NLGN4X: variants seen among roughly 807,000 people sequenced by gnomAD.
NLGN4X encodes neuroligin-4, X-linked.
A neutral mutation model predicts 40.3 loss-of-function variants in NLGN4X; 3 were observed. The ratio of observed to expected loss-of-function variants is 0.07; its 90% CI spans 0.03 to 0.19. The LOEUF (loss-of-function observed/expected upper bound fraction) is 0.19, where lower values mean the gene tolerates loss of function less well. Ranked by LOEUF, NLGN4X falls within the 10% of genes least tolerant of loss-of-function variation. The pLI, the probability that NLGN4X is intolerant of heterozygous loss-of-function variation, is 1.00. For synonymous variants in NLGN4X, 270 were observed against 306.8 expected, an observed-to-expected ratio of 0.88 and a Z score of 1.25; for missense variants, 382 against 708.3, an observed-to-expected ratio of 0.54 and a Z score of 5.23.
At chrX:6,050,068 T>C (rs1304486009) in intron 2 of NLGN4X, among the ~76,000 whole-genome samples, 10 of 111,923 alleles carry the variant, frequency 8.9e-5, no homozygotes, top group African/African-American at 3.2e-4. Flanking sequence ...TTTCTCCCAC[T>C]TCAGAGCCAC....
chrX:6,133,734 G>A (rs2039740238), intron 2 of NLGN4X, among the ~76,000 whole-genome samples: 1 of 111,686 alleles, frequency 9.0e-6, no homozygotes, highest in Non-Finnish European at 1.9e-5. Flanking sequence ...TAGCAAGTTT[G>A]AAAACAATTG....
At chrX:6,021,077 CCTCT>C (rs1423877036) in intron 3 of NLGN4X, among the ~76,000 whole-genome samples, 9 of 22,170 alleles carry the variant, frequency 4.1e-4, no homozygotes, top group African/African-American at 1.4e-3. Flanking sequence ...TCCCTCCCTC[CCTCT>C]CTCTCTCTCT....
intron 1 of NLGN4X, among the ~76,000 whole-genome samples, chrX:6,208,838 T>C (rs755114953): frequency 9.0e-6 from 1 of 111,659 alleles, no homozygotes; most frequent in Admixed American, 9.6e-5. Context: ...CTCAAAGAAC[T>C]AAAAATAGAA....
intron 1 of NLGN4X, among the ~76,000 whole-genome samples, chrX:6,170,522 C>T (rs781324203): frequency 1.8e-5 from 2 of 111,657 alleles, no homozygotes; most frequent in African/African-American, 6.5e-5. Flanking sequence ...CAATCTTGGC[C>T]TTATCATTTT....
At position 6,006,567 on chromosome X, in the gene NLGN4X, G is replaced by A. The variant is rs145121474; in HGVS notation, c.625+22713C>T. Reference sequence around the variant, plus strand: ...AGACCAAAGTTAGACATCAAACATCGTTATCATCCTAAAAACAATTTTATC... The same window carrying A: ...AGACCAAAGTTAGACATCAAACATCATTATCATCCTAAAAACAATTTTATC... On this transcript the variant is annotated intron_variant, in intron 3 of 5. Transcript: ENST00000381095. Among the ~76,000 whole-genome samples the A allele has an allele frequency of 6.8e-3, 754 of 110,893 alleles. 3 individuals are homozygous for A. Among genetic ancestry groups the A allele is most frequent in the African/African-American group, 0.023 (711 of 30,532 alleles).
At chrX:6,087,059 C>T (rs2038515230) in intron 2 of NLGN4X, among the ~76,000 whole-genome samples, 1 of 111,817 alleles carries the variant, frequency 8.9e-6, no homozygotes, top group South Asian at 3.8e-4. Context: ...TTTTTATACA[C>T]ACCTAGAAGA....
intron 2 of NLGN4X, among the ~76,000 whole-genome samples, chrX:6,033,283 A>G (rs773316352): frequency 1.8e-5 from 2 of 111,952 alleles, no homozygotes; most frequent in Admixed American, 1.9e-4. Flanking sequence ...TATAATTGAC[A>G]TTAATTTCAT....
chrX:6,098,014 G>A (rs1256365931), intron 2 of NLGN4X, among the ~76,000 whole-genome samples: 2 of 112,930 alleles, frequency 1.8e-5, no homozygotes, highest in Non-Finnish European at 3.7e-5. Context: ...AGAGGGTGGG[G>A]CGCGATGGCT....
At chrX:6,128,037 A>C (rs1414429465) in intron 2 of NLGN4X, among the ~76,000 whole-genome samples, 1 of 111,038 alleles carries the variant, frequency 9.0e-6, no homozygotes, top group Non-Finnish European at 1.9e-5. Flanking sequence ...TCCTGACCTC[A>C]AGAGATCCTC....
chrX:6,017,315 A>C (rs1417987339), intron 3 of NLGN4X, among the ~76,000 whole-genome samples: 1 of 112,216 alleles, frequency 8.9e-6, no homozygotes, highest in Non-Finnish European at 1.9e-5. Context: ...TGAAAAGAAG[A>C]AAGCTACTCA....
At chrX:6,103,197 A>T (rs901346176) in intron 2 of NLGN4X, among the ~76,000 whole-genome samples, 15 of 111,963 alleles carry the variant, frequency 1.3e-4, no homozygotes, top group African/African-American at 4.9e-4. Flanking sequence ...TGGCACTCAT[A>T]AAGTGCTTAT....
At chrX:5,966,786 A>C (rs2034847758) in intron 3 of NLGN4X, among the ~76,000 whole-genome samples, 1 of 111,908 alleles carries the variant, frequency 8.9e-6, no homozygotes, top group Non-Finnish European at 1.9e-5. Flanking sequence ...TCAAGGCTTC[A>C]CTGCATTTCC....
chrX:6,226,120 G>T (rs1418733217), intron 1 of NLGN4X, among the ~76,000 whole-genome samples: 1 of 102,753 alleles, frequency 9.7e-6, no homozygotes, highest in Non-Finnish European at 2.0e-5. Context: ...CGTGACGCGC[G>T]CGCCCAGCAC....
At chrX:5,978,681 T>A (rs181921341) in intron 3 of NLGN4X, among the ~76,000 whole-genome samples, 3 of 112,313 alleles carry the variant, frequency 2.7e-5, no homozygotes, top group Non-Finnish European at 3.8e-5. Context: ...TTAACTTTTT[T>A]AAAATAGGGT....
At chrX:6,098,016 G>A (rs975284501) in intron 2 of NLGN4X, among the ~76,000 whole-genome samples, 12 of 112,865 alleles carry the variant, frequency 1.1e-4, no homozygotes, top group Non-Finnish European at 1.7e-4. Flanking sequence ...AGGGTGGGGC[G>A]CGATGGCTCG....
intron 3 of NLGN4X, among the ~76,000 whole-genome samples, chrX:5,910,962 A>G (rs758620876): frequency 5.7e-4 from 64 of 111,484 alleles, no homozygotes; most frequent in African/African-American, 1.9e-3. Context: ...CCCCCATTTA[A>G]TTAGCAATTA....
At chrX:6,054,534 C>A (rs2037570622) in intron 2 of NLGN4X, among the ~76,000 whole-genome samples, 4 of 110,856 alleles carry the variant, frequency 3.6e-5, no homozygotes, top group Admixed American at 9.7e-5. Flanking sequence ...GTGGGAGGAT[C>A]ACTTGACCTC....
intron 3 of NLGN4X, among the ~76,000 whole-genome samples, chrX:5,982,953 C>G (rs940622948): frequency 1.8e-5 from 2 of 112,525 alleles, no homozygotes; most frequent in Non-Finnish European, 3.8e-5. Flanking sequence ...CACAAAGCAG[C>G]CTTTGCCCTA....
At chrX:6,133,079 ATTG>A (rs2039716771) in intron 2 of NLGN4X, among the ~76,000 whole-genome samples, 1 of 111,245 alleles carries the variant, frequency 9.0e-6, no homozygotes, top group Non-Finnish European at 1.9e-5. Context: ...CATCACAATA[ATTG>A]TTATCTTCAT....
Sources: gnomAD v4.1 joint callset for allele counts (sites outside exome capture counted in the v4.1 genomes callset) on GRCh38, gnomAD v4.1.1 for gene constraint, MANE v1.5 for transcripts, NCBI Gene and HGNC (gene_info 2026-07-23, HGNC 2026-07-21) for gene names.